Variants in PRKCB observed in about 807,000 individuals in gnomAD.
The protein encoded by PRKCB is protein kinase C beta type.
A neutral mutation model predicts 81.5 loss-of-function variants in PRKCB; 13 were observed. The observed-to-expected ratio is 0.16, with a 90% CI of 0.10 to 0.25. PRKCB has a LOEUF of 0.25. Among genes scored for constraint, PRKCB ranks in the 10% least tolerant of loss-of-function variants. The probability of loss-of-function intolerance (pLI) is 1.00; values close to 1 mark genes in which losing one functional copy is unlikely to be tolerated. For missense variants in PRKCB, 509 were observed against 875.7 expected (o/e 0.58, Z 5.29); for synonymous variants, 335 against 321.4 (o/e 1.04, Z -0.45).
rs534312807 is a variant in PRKCB, at chr16:24,186,957, A to T, written c.1722+1390A>T. 9.9e-5 allele frequency among the ~76,000 whole-genome samples: 15 copies of T among 152,256 alleles called. No homozygotes were observed. The East Asian group carries it at 1.9e-3, about 20-fold the overall frequency. On this transcript the variant is annotated intron_variant, in intron 15 of 16. Coordinates refer to ENST00000643927, the MANE Select transcript of PRKCB (RefSeq NM_002738.7). The stretch of plus-strand genomic sequence containing the variant: ...TGAGGCAGGGAGAAAGAAAGTGAAG[A>T]ATAGAGAGGGGAGTCCCAGAGGTGC...
chr16:24,007,267 A>C (rs1297302723), intron 3 of PRKCB, among the ~76,000 whole-genome samples: 1 of 152,228 alleles, frequency 6.6e-6, no homozygotes, highest in Non-Finnish European at 1.5e-5. Context: ...AGGACATGCT[A>C]GTTAATATTA....
At chr16:23,842,715 T>A (rs1222905679) in intron 2 of PRKCB, among the ~76,000 whole-genome samples, 3 of 152,222 alleles carry the variant, frequency 2.0e-5, no homozygotes, top group African/African-American at 7.2e-5. Flanking sequence ...AACATGTTTT[T>A]AAATCTTCTA....
At chr16:23,844,138 T>C (rs1962320257) in intron 2 of PRKCB, among the ~76,000 whole-genome samples, 1 of 152,244 alleles carries the variant, frequency 6.6e-6, no homozygotes, top group Non-Finnish European at 1.5e-5. Context: ...CTTGGGTAGA[T>C]AGGGGGATCT....
At chr16:24,206,466 C>T (rs770944167) in intron 16 of PRKCB, among the ~76,000 whole-genome samples, 1 of 152,166 alleles carries the variant, frequency 6.6e-6, no homozygotes, top group Admixed American at 6.5e-5. Flanking sequence ...CAGGTAGCTC[C>T]CCTGAGCCAC....
chr16:24,061,074 T>G (rs1965967170), intron 5 of PRKCB, among the ~76,000 whole-genome samples: 1 of 152,176 alleles, frequency 6.6e-6, no homozygotes, highest in South Asian at 2.1e-4. Flanking sequence ...AATCTTTTTT[T>G]TTTTGAGACA....
In PRKCB at chr16:24,035,410, C is replaced by G. The variant is rs1965601839; in HGVS notation, c.401-9C>G. 1 of 1,612,926 alleles carries G rather than the reference C, an allele frequency of 6.2e-7. No individual in the cohort carries two copies. Among genetic ancestry groups the G allele is most frequent in the East Asian group, 2.2e-5 (1 of 44,810 alleles). ...GCCTAAGCCACATCCCCTCTCTCTG[C>G]CCTCACAGCCTGCATGATGAATGTG... is the stretch of plus-strand genomic sequence containing the variant. On this transcript the variant is annotated splice_polypyrimidine_tract_variant and intron_variant, in intron 4 of 16. Coordinates refer to ENST00000643927, the MANE Select transcript of PRKCB (RefSeq NM_002738.7).
chr16:24,068,486 A>AAAC (rs1567363108), intron 5 of PRKCB, among the ~76,000 whole-genome samples: 1 of 149,974 alleles, frequency 6.7e-6, no homozygotes, highest in Admixed American at 6.6e-5. Flanking sequence ...GGAAAAAAAA[A>AAAC]AAAAAACCAC....
chr16:23,950,077 A>C (rs1158105273), intron 2 of PRKCB, among the ~76,000 whole-genome samples: 1 of 146,372 alleles, frequency 6.8e-6, no homozygotes, highest in Non-Finnish European at 1.5e-5. Context: ...TGGCCTCCCC[A>C]GTGGCCCACT....
At chr16:24,065,383 T>C (rs906365197) in intron 5 of PRKCB, among the ~76,000 whole-genome samples, 1 of 152,046 alleles carries the variant, frequency 6.6e-6, no homozygotes, top group Admixed American at 6.6e-5. Context: ...TATTTTTATA[T>C]TGATTCTAGA....
intron 2 of PRKCB, among the ~76,000 whole-genome samples, chr16:23,882,004 T>TTCTTTCTTTCTCTTTCTTTCTTTCTTTC (rs1555481651): frequency 9.7e-5 from 7 of 71,966 alleles, no homozygotes; most frequent in Non-Finnish European, 1.8e-4. Context: ...CTTTCTTTCT[T>TTCTTTCTTTCTCTTTCTTTCTTTCTTTC]TCTTTCTTTC....
intron 13 of PRKCB, among the ~76,000 whole-genome samples, chr16:24,182,873 T>TTGTGTGTGTGTGTGTGTG (rs10524225): frequency 0.071 from 9,483 of 133,492 alleles, 472 homozygotes; most frequent in Middle Eastern, 0.11. Flanking sequence ...ACATTGTTTC[T>TTGTGTGTGTGTGTGTGTG]TGTGTGTGTG....
At chr16:23,942,516 G>A (rs1964152090) in intron 2 of PRKCB, among the ~76,000 whole-genome samples, 1 of 152,176 alleles carries the variant, frequency 6.6e-6, no homozygotes, top group Non-Finnish European at 1.5e-5. Context: ...GCACTAGAAA[G>A]GATATGGATA....
At chr16:23,893,114 A>G (rs1179672835) in intron 2 of PRKCB, 1 of 152,176 alleles carries the variant, frequency 6.6e-6, no homozygotes, top group Non-Finnish European at 1.5e-5. Context: ...CCAGTCCACT[A>G]CCTGAATCCT....
chr16:24,178,808 A>G (rs751789463), intron 12 of PRKCB, among the ~76,000 whole-genome samples: 1 of 152,230 alleles, frequency 6.6e-6, no homozygotes, highest in Non-Finnish European at 1.5e-5. Context: ...AGGAGATGCC[A>G]GGATATAGTT....
chr16:23,900,812 A>G (rs1362959993), intron 2 of PRKCB, among the ~76,000 whole-genome samples: 1 of 148,812 alleles, frequency 6.7e-6, no homozygotes, highest in African/African-American at 2.5e-5. Flanking sequence ...TTTGCATAAC[A>G]AACAGTGCTG....
In PRKCB at chr16:23,875,610, TCA is replaced by T. The variant is rs770801772; in HGVS notation, c.205+38211_205+38212del. Among the ~76,000 whole-genome samples the T allele has an allele frequency of 8.5e-3, 330 of 39,010 alleles. 14 individuals are homozygous for T. Among genetic ancestry groups the T allele is most frequent in the East Asian group, 0.028 (30 of 1,054 alleles). 25.6% of individuals were successfully genotyped at this position (39,010 alleles called of 152,430 possible). On this transcript the variant is annotated intron_variant, in intron 2 of 16. Transcript: ENST00000643927. Reference sequence around the variant, plus strand: ...TATATCACACACATATGTATGTATATCACACACATATATGTATGTATATCACA... The same window carrying T: ...TATATCACACACATATGTATGTATATCACACATATATGTATGTATATCACA...
Position 24,023,257 on chromosome 16 carries a change from A to C in PRKCB, c.289-8879A>C, listed in dbSNP as rs1021385. On this transcript the variant is annotated intron_variant, in intron 3 of 16. Transcript: ENST00000643927. ...ATGCGATCAGAACCAAACCCCATAG[A>C]GGGAGTGATGGCTTACAGGCCATGA... Among the ~76,000 whole-genome samples, 1,141 of 152,216 alleles carry C rather than the reference A, an allele frequency of 7.5e-3. 16 individuals are homozygous for C. Among genetic ancestry groups the C allele is most frequent in the African/African-American group, 0.027 (1,103 of 41,574 alleles).
At chr16:24,032,793 G>A (rs537677187) in intron 4 of PRKCB, among the ~76,000 whole-genome samples, 38 of 152,206 alleles carry the variant, frequency 2.5e-4, no homozygotes, top group Non-Finnish European at 3.5e-4. Flanking sequence ...ACTGGTCAAA[G>A]CAAGTGGCAT....
chr16:24,011,387 A>C (rs1372539003), intron 3 of PRKCB, among the ~76,000 whole-genome samples: 1 of 152,156 alleles, frequency 6.6e-6, no homozygotes, highest in Non-Finnish European at 1.5e-5. Context: ...GCAGAGTGAA[A>C]TGCATAGGCT....
Sources: allele counts gnomAD v4.1 joint callset (sites outside exome capture counted in the v4.1 genomes callset), GRCh38; gene constraint gnomAD v4.1.1; transcripts MANE v1.5; gene names NCBI Gene and HGNC (gene_info 2026-07-23, HGNC 2026-07-21).